Variants in NOMO2 observed in about 807,000 individuals in gnomAD.
The protein encoded by NOMO2 is BOS complex subunit NOMO2.
Under a neutral mutation model 67.1 loss-of-function variants are expected in NOMO2, and 14 were observed. That is an observed-to-expected ratio of 0.21 (90% CI 0.14 to 0.33). The LOEUF (loss-of-function observed/expected upper bound fraction) is 0.33. Ranked by LOEUF, NOMO2 falls within the 10% of genes least tolerant of loss-of-function variation. The pLI is 1.00. For synonymous variants in NOMO2, 80 were observed against 305.9 expected, an observed-to-expected ratio of 0.26 and a Z score of 7.71; for missense variants, 178 against 761.0, an observed-to-expected ratio of 0.23 and a Z score of 9.01.
In NOMO2 at chr16:18,529,308, A is replaced by T; in HGVS notation, c.1806+193T>A. On this transcript the variant is annotated intron_variant, in intron 15 of 30. Transcript: ENST00000622306. ...TAGGGCCAGGACAAGGAAACCTCCTAAATACAGGGGTCCTTCCACTGAGAG... is the reference window on the plus strand; with the variant it reads ...TAGGGCCAGGACAAGGAAACCTCCTTAATACAGGGGTCCTTCCACTGAGAG... 3 of 658,128 alleles carry T rather than the reference A, an allele frequency of 4.6e-6. No homozygotes were observed. In the South Asian group the frequency reaches 5.6e-5, roughly 12 times the overall value. The allele number at this position is 658,128 out of a possible 1,614,324, so 40.8% of individuals were successfully genotyped here. A position where few individuals can be genotyped will look rare whatever the true frequency, so the allele number is the denominator to read the frequency against.
intron 11 of NOMO2, among the ~76,000 whole-genome samples, chr16:18,535,813 C>T (rs1197748942): frequency 1.3e-5 from 2 of 151,088 alleles, no homozygotes; most frequent in Non-Finnish European, 1.5e-5. Flanking sequence ...TTTTTTTTTT[C>T]TGAGACGGAA....
chr16:18,551,957 T>A lies in NOMO2; in HGVS notation c.302-418A>T, dbSNP rs549441124. 2.4e-4 allele frequency among the ~76,000 whole-genome samples: 36 copies of A among 151,664 alleles called. 1 individual carries two copies. In the East Asian group the frequency reaches 6.2e-3, roughly 26 times the overall value. ...AGAGACAGGCAGTAATAGCTGCAAT[T>A]TACTGAGGGGTAAATTAAGGCACAG... On this transcript the variant is annotated intron_variant, in intron 3 of 30. Coordinates refer to ENST00000622306, the MANE Select transcript of NOMO2 (RefSeq NM_173614.4).
Position 18,533,110 on chromosome 16 carries a change from T to C in NOMO2, c.1290A>G (p.Lys430=), listed in dbSNP as rs757394327. The C allele has an allele frequency of 1.4e-5, 22 of 1,611,192 alleles. 1 individual carries two copies. Among genetic ancestry groups the C allele is most frequent in the Admixed American group, 1.2e-4 (7 of 59,920 alleles). The change falls in exon 12 of 31, where the codon AAA becomes AAG. Residue 430 remains lysine (K), a synonymous_variant. Coordinates refer to ENST00000622306, the MANE Select transcript of NOMO2 (RefSeq NM_173614.4). ...PDTVKQMNKY[K]VVLSSQDKDK... ...CCTTGTCTTGAGATGACAGGACAAC[T>C]TTGTATTTATTCATCTGCTTGACGG...
At chr16:18,543,239 C>T (rs1233179733) in intron 7 of NOMO2, among the ~76,000 whole-genome samples, 10 of 144,014 alleles carry the variant, frequency 6.9e-5, no homozygotes, top group African/African-American at 1.5e-4. Flanking sequence ...AGTGCAGTGG[C>T]GTGATCTTGG....
At chr16:18,528,989 AT>A (rs1224181921) in intron 15 of NOMO2, among the ~76,000 whole-genome samples, 15 of 36,246 alleles carry the variant, frequency 4.1e-4, no homozygotes, top group Non-Finnish European at 5.8e-4. Context: ...AAAAAAAAAA[AT>A]ACATATATAT....
chr16:18,559,676 G>C (rs1211136487), intron 1 of NOMO2, among the ~76,000 whole-genome samples: 1 of 151,914 alleles, frequency 6.6e-6, no homozygotes, highest in African/African-American at 2.4e-5. Flanking sequence ...TTAGTGCAGG[G>C]ACTGGAAATT....
At chr16:18,542,460 GTA>G (rs1433983862) in intron 8 of NOMO2, 132 bp downstream of exon 8, 11 of 841,188 alleles carry the variant, frequency 1.3e-5, no homozygotes, top group Non-Finnish European at 2.2e-5. Flanking sequence ...CTCATCTTAA[GTA>G]AGTTACTGCT....
Position 18,536,423 on chromosome 16 carries a change from ATTTGTCTTT to A in NOMO2, c.1220+2094_1220+2102del, listed in dbSNP as rs527633654. Among the ~76,000 whole-genome samples, 1,413 of 151,880 alleles carry A rather than the reference ATTTGTCTTT, an allele frequency of 9.3e-3. 8 individuals are homozygous for A. Among genetic ancestry groups the A allele is most frequent in the African/African-American group, 0.029 (1,186 of 41,284 alleles). ...TGCCATAATTTAGCAGCATAAATGTATTTGTCTTTTTTGTCTTTTTTTAAAATCTTGTTA... is the reference window on the plus strand; with the variant it reads ...TGCCATAATTTAGCAGCATAAATGTATTTGTCTTTTTTTAAAATCTTGTTA... On this transcript the variant is annotated intron_variant, in intron 11 of 30. Transcript: ENST00000622306.
intron 15 of NOMO2, among the ~76,000 whole-genome samples, chr16:18,528,795 A>C (rs1457755416): frequency 1.3e-5 from 2 of 150,740 alleles, no homozygotes; most frequent in Admixed American, 1.3e-4. Context: ...GTCTCTAACA[A>C]AAATACAAAA....
rs149758748 is a variant in NOMO2, at chr16:18,543,710, A to T, written c.642T>A (p.Val214=). 4.3e-6 allele frequency: 7 copies of T among 1,610,990 alleles called. No homozygotes were observed. The African/African-American group carries it at 6.7e-5, about 15-fold the overall frequency. ...SNANAASPLI[V]AGYNVSGSVR... ...CAGAGCCAGACACATTGTAGCCAGCAACTATGAGGGGACTGGCCGCATTGG... is the reference window on the plus strand; with the variant it reads ...CAGAGCCAGACACATTGTAGCCAGCTACTATGAGGGGACTGGCCGCATTGG... Residue 214 remains valine, a synonymous_variant, in exon 7 of 31, where the codon GTT becomes GTA. Transcript: ENST00000622306.
intron 6 of NOMO2, among the ~76,000 whole-genome samples, chr16:18,545,553 A>G (rs1901648863): frequency 6.9e-6 from 1 of 144,390 alleles, no homozygotes; most frequent in African/African-American, 2.5e-5. Flanking sequence ...GATAGAGTAG[A>G]AGCTGAAATA....
At chr16:18,537,061 T>TTTGGCCTACTGTTC (rs1901441028) in intron 11 of NOMO2, among the ~76,000 whole-genome samples, 1 of 152,042 alleles carries the variant, frequency 6.6e-6, no homozygotes, top group East Asian at 1.9e-4. Context: ...GCACTCTGTT[T>TTTGGCCTACTGTTC]TTGGCCTACT....
intron 5 of NOMO2, among the ~76,000 whole-genome samples, chr16:18,547,769 A>G (rs1338481946): frequency 6.6e-6 from 1 of 151,626 alleles, no homozygotes; most frequent in East Asian, 1.9e-4. Context: ...GATGATGCAA[A>G]TGACACAGGG....
chr16:18,526,365 T>C (rs1431271790), intron 16 of NOMO2, among the ~76,000 whole-genome samples: 2 of 152,128 alleles, frequency 1.3e-5, no homozygotes, highest in African/African-American at 4.8e-5. Context: ...TGACAGTTTC[T>C]TAAAAGGTTA....
intron 2 of NOMO2, among the ~76,000 whole-genome samples, chr16:18,556,397 C>T (rs1281533670): frequency 6.6e-6 from 1 of 151,084 alleles, no homozygotes; most frequent in African/African-American, 2.4e-5. Context: ...GAGCCGAGAT[C>T]GCGCCACTGC....
rs753913612 is a variant in NOMO2 at position 18,562,056 on chromosome 16, A to AG, written c.-17dup. On this transcript the variant is annotated 5_prime_UTR_variant, in exon 1 of 31. Transcript: ENST00000622306. Reference sequence around the variant, plus strand: ...CCACCAGCATGGCCCGACCTCCCCCAGCTAGACCCACCGCCGGCAGCCGGG... The same window carrying AG: ...CCACCAGCATGGCCCGACCTCCCCCAGGCTAGACCCACCGCCGGCAGCCGGG... 2 of 1,437,630 alleles carry AG rather than the reference A, an allele frequency of 1.4e-6. No individual in the cohort carries two copies. Among genetic ancestry groups the AG allele is most frequent in the South Asian group, 2.9e-5 (2 of 68,372 alleles). The allele number at this position is 1,437,630 out of a possible 1,614,324, so 89.1% of individuals were successfully genotyped here.
At position 18,546,368 on chromosome 16, in the gene NOMO2, G is replaced by A. The variant is rs1490866452; in HGVS notation, c.582+860C>T. ...ACCACTTTTTTGAGAGCCCGAGGCT[G>A]GTGGATCATTTGAGGCTAGGAGTTC... On this transcript the variant is annotated intron_variant, in intron 6 of 30. Coordinates refer to ENST00000622306, the MANE Select transcript of NOMO2 (RefSeq NM_173614.4). Among the ~76,000 whole-genome samples, 43 of 52,596 alleles carry A rather than the reference G, an allele frequency of 8.2e-4. 14 individuals carry two copies. The highest frequency in any genetic ancestry group is 2.4e-3 in the African/African-American group (41 of 17,338). 34.5% of individuals were successfully genotyped at this position (52,596 alleles called of 152,430 possible). A position where few individuals can be genotyped will look rare whatever the true frequency, so the allele number is the denominator to read the frequency against.
chr16:18,528,964 T>C (rs1596845046), intron 15 of NOMO2, among the ~76,000 whole-genome samples: 1 of 58,766 alleles, frequency 1.7e-5, no homozygotes, highest in Admixed American at 2.3e-4. Context: ...CAAGACTCCA[T>C]CTCAAAAAAA....
chr16:18,554,590 C>T (rs1184687073), intron 3 of NOMO2, among the ~76,000 whole-genome samples: 1 of 145,232 alleles, frequency 6.9e-6, no homozygotes, highest in Non-Finnish European at 1.5e-5. Flanking sequence ...GAAAAGATGT[C>T]TATTTTTCAA....
Sources: allele counts gnomAD v4.1 joint callset (sites outside exome capture counted in the v4.1 genomes callset), GRCh38; gene constraint gnomAD v4.1.1; transcripts MANE v1.5; gene names NCBI Gene and HGNC (gene_info 2026-07-23, HGNC 2026-07-21).